PHACTR2: variants seen among roughly 807,000 people sequenced by gnomAD.
PHACTR2 encodes phosphatase and actin regulator 2.
A neutral mutation model predicts 76.0 loss-of-function variants in PHACTR2; 30 were observed. The observed-to-expected ratio is 0.39, with a 90% CI of 0.30 to 0.54. PHACTR2 has a LOEUF of 0.54. PHACTR2 is among the 20% of genes least tolerant of loss of function. The probability of loss-of-function intolerance (pLI) is 0.61; values close to 1 mark genes in which losing one functional copy is unlikely to be tolerated. For synonymous variants in PHACTR2, 292 were observed against 292.5 expected (o/e 1.00, Z 0.02); for missense variants, 696 against 781.1 (o/e 0.89, Z 1.30).
intron 11 of PHACTR2, among the ~76,000 whole-genome samples, chr6:143,796,394 TC>T (rs1438055485): frequency 6.1e-5 from 9 of 147,474 alleles, no homozygotes; most frequent in Non-Finnish European, 1.2e-4. Flanking sequence ...TTTCTTTCTT[TC>T]TTTCTTTCTT....
At chr6:143,587,049 C>G (rs1775638138) in intron 1 of PHACTR2, among the ~76,000 whole-genome samples, 1 of 152,108 alleles carries the variant, frequency 6.6e-6, no homozygotes, top group Non-Finnish European at 1.5e-5. Flanking sequence ...ATTAGATTAA[C>G]CCTTTTCCTG....
intron 1 of PHACTR2, among the ~76,000 whole-genome samples, chr6:143,576,674 C>T (rs943092018): frequency 3.9e-5 from 6 of 151,900 alleles, no homozygotes; most frequent in African/African-American, 7.3e-5. Flanking sequence ...GTCAGGAGTT[C>T]GAGACCAGCC....
rs1776668078 is a variant in PHACTR2 at position 143,646,898 on chromosome 6, T to A, written c.13+38576T>A. Reference sequence around the variant, plus strand: ...TCATCCTTAGTTATGTTTGTTGTTCTAACATAACAGTCTTCTGATCACGAT... The same window carrying A: ...TCATCCTTAGTTATGTTTGTTGTTCAAACATAACAGTCTTCTGATCACGAT... On this transcript the variant is annotated intron_variant, in intron 1 of 11. Transcript: ENST00000305766. The surrounding 1 kb of genome is among the most constrained non-coding windows in gnomAD (Gnocchi z 4.1). 6.6e-6 allele frequency among the ~76,000 whole-genome samples: 1 copy of A among 152,248 alleles called. No individual in the cohort carries two copies.
In PHACTR2 at chr6:143,683,551, A is replaced by C. The variant is rs1284828961; in HGVS notation, c.46+5342A>C. The stretch of plus-strand genomic sequence containing the variant: ...CCACTGTCCCCATTTTTAAGAGACA[A>C]GAGAACAAGTAAATAAAGTGTGCAG... On this transcript the variant is annotated intron_variant, in intron 1 of 12. Transcript: ENST00000440869. The surrounding 1 kb of genome is among the most constrained non-coding windows in gnomAD (Gnocchi z 4.1). Among the ~76,000 whole-genome samples the C allele has an allele frequency of 6.6e-6, 1 of 152,188 alleles. No individual in the cohort carries two copies. The highest frequency in any genetic ancestry group is 2.4e-5 in the African/African-American group (1 of 41,446).
intron 1 of PHACTR2, among the ~76,000 whole-genome samples, chr6:143,564,252 C>A (rs1775329816): frequency 8.2e-6 from 1 of 122,262 alleles, no homozygotes; most frequent in Non-Finnish European, 1.7e-5. Flanking sequence ...CCACTGCACT[C>A]TAACCTTGGC....
At chr6:143,726,605 T>G (rs932460980) in intron 2 of PHACTR2, among the ~76,000 whole-genome samples, 1 of 152,218 alleles carries the variant, frequency 6.6e-6, no homozygotes, top group Non-Finnish European at 1.5e-5. Context: ...ATTTCCTTTT[T>G]TCAAAGACTG....
chr6:143,582,774 A>G (rs1775590327), intron 1 of PHACTR2, among the ~76,000 whole-genome samples: 2 of 152,198 alleles, frequency 1.3e-5, no homozygotes, highest in African/African-American at 4.8e-5. Flanking sequence ...TCTCCAAATT[A>G]TTTAGCTAAA....
rs1175694322 is a variant in PHACTR2, at chr6:143,659,382, G to A, written c.13+51060G>A. On this transcript the variant is annotated intron_variant, in intron 1 of 11. Transcript: ENST00000305766. The surrounding 1 kb of genome is among the most constrained non-coding windows in gnomAD (Gnocchi z 5.0). ...AAAACCCTCTGCTGAGGGTGTCAGGGTCTCATGAAGCTGCAGTCAAGGTGT... is the reference window on the plus strand; with the variant it reads ...AAAACCCTCTGCTGAGGGTGTCAGGATCTCATGAAGCTGCAGTCAAGGTGT... 6.6e-6 allele frequency among the ~76,000 whole-genome samples: 1 copy of A among 152,182 alleles called. No individual in the cohort carries two copies. Among genetic ancestry groups the A allele is most frequent in the Non-Finnish European group, 1.5e-5 (1 of 68,038 alleles).
rs1407166261 is a variant in PHACTR2, at chr6:143,648,368, C to A, written c.13+40046C>A. Among the ~76,000 whole-genome samples, 1 of 152,064 alleles carries A rather than the reference C, an allele frequency of 6.6e-6. No individual in the cohort carries two copies. The highest frequency in any genetic ancestry group is 2.4e-5 in the African/African-American group (1 of 41,390). ...TATTTACTAAGCGTTCATCATAGTT[C>A]TAAATAGATTCCTCAAAAGAATTAA... On this transcript the variant is annotated intron_variant, in intron 1 of 11. Coordinates refer to the PHACTR2 transcript ENST00000305766. The surrounding 1 kb of genome is among the most constrained non-coding windows in gnomAD (Gnocchi z 6.7).
Position 143,776,852 on chromosome 6 carries a change from C to T in PHACTR2, c.1590-476C>T, listed in dbSNP as rs1485203581. Reference sequence around the variant, plus strand: ...TGGCAGCCCCATTCCTTCTGTCTTGCTGCTCTCCCATCCCCTAGATGGTCT... The same window carrying T: ...TGGCAGCCCCATTCCTTCTGTCTTGTTGCTCTCCCATCCCCTAGATGGTCT... On this transcript the variant is annotated intron_variant, in intron 8 of 12. Transcript: ENST00000440869. The surrounding 1 kb of genome is among the most constrained non-coding windows in gnomAD (Gnocchi z 5.3). 6.6e-6 allele frequency among the ~76,000 whole-genome samples: 1 copy of T among 152,220 alleles called. No homozygotes were observed. The highest frequency in any genetic ancestry group is 1.5e-5 in the Non-Finnish European group (1 of 68,032).
Position 143,728,356 on chromosome 6 carries a change from C to T in PHACTR2, c.214+16173C>T, listed in dbSNP as rs112690546. Among the ~76,000 whole-genome samples, 1,153 of 151,410 alleles carry T rather than the reference C, an allele frequency of 7.6e-3. 9 individuals are homozygous for T. The highest frequency in any genetic ancestry group is 0.024 in the African/African-American group (992 of 41,284). On this transcript the variant is annotated intron_variant, in intron 2 of 12. Coordinates refer to ENST00000440869, the MANE Select transcript of PHACTR2 (RefSeq NM_001100164.2). ...CCTCCCGAGTAGCTGGGACTACAGGCGCACACCACCACACCTGGCTAGTTT... is the reference window on the plus strand; with the variant it reads ...CCTCCCGAGTAGCTGGGACTACAGGTGCACACCACCACACCTGGCTAGTTT...
chr6:143,726,380 C>T (rs563374449), intron 2 of PHACTR2, among the ~76,000 whole-genome samples: 14 of 152,222 alleles, frequency 9.2e-5, no homozygotes, highest in South Asian at 6.2e-4. Flanking sequence ...AATAGATCTC[C>T]GGAACTTTTT....
At chr6:143,692,381 A>T (rs974048660) in intron 1 of PHACTR2, among the ~76,000 whole-genome samples, 3 of 152,246 alleles carry the variant, frequency 2.0e-5, no homozygotes, top group Non-Finnish European at 4.4e-5. Flanking sequence ...AGAACAAGTT[A>T]ACTGAGCTCA....
In PHACTR2 at chr6:143,741,916, A is replaced by G. The variant is rs137970853; in HGVS notation, c.215-7069A>G. Among the ~76,000 whole-genome samples, 1,047 of 152,220 alleles carry G rather than the reference A, an allele frequency of 6.9e-3. 14 individuals are homozygous for G. Among genetic ancestry groups the G allele is most frequent in the African/African-American group, 0.024 (994 of 41,528 alleles). ...CAGGAGTTCGAGACCAGCCTGGCCA[A>G]CGTGGTGAAACCCCATCTCTACCAA... On this transcript the variant is annotated intron_variant, in intron 2 of 12. Transcript: ENST00000440869.
chr6:143,808,118 CA>C (rs750716700), intron 12 of PHACTR2, among the ~76,000 whole-genome samples: 232 of 148,126 alleles, frequency 1.6e-3, no homozygotes, highest in Middle Eastern at 0.01. Flanking sequence ...CAACTGACCA[CA>C]ATCCAAAATT....
At chr6:143,694,362 C>T (rs999487775) in intron 1 of PHACTR2, among the ~76,000 whole-genome samples, 5 of 152,134 alleles carry the variant, frequency 3.3e-5, no homozygotes, top group African/African-American at 1.2e-4. Flanking sequence ...GATTGGAGCA[C>T]CAAATTGATC....
chr6:143,716,419 G>A lies in PHACTR2; in HGVS notation c.214+4236G>A, dbSNP rs138453345. 3.6e-3 allele frequency among the ~76,000 whole-genome samples: 552 copies of A among 152,200 alleles called. 3 individuals carry two copies. The highest frequency in any genetic ancestry group is 0.013 in the African/African-American group (524 of 41,512). On this transcript the variant is annotated intron_variant, in intron 2 of 12. Transcript: ENST00000440869. ...CAGCTCACTGCAGCCTCAATCTCCT[G>A]GCTTCAAGAAATCCTCCCGCCTCAG... is the stretch of plus-strand genomic sequence containing the variant.
At chr6:143,642,330 C>G (rs1232165253) in intron 1 of PHACTR2, among the ~76,000 whole-genome samples, 3 of 152,168 alleles carry the variant, frequency 2.0e-5, no homozygotes, top group Non-Finnish European at 4.4e-5. Context: ...ACTTCGCGAA[C>G]CTAAAAAATG....
chr6:143,778,856 C>A (rs1468503219), intron 9 of PHACTR2, among the ~76,000 whole-genome samples: 1 of 152,130 alleles, frequency 6.6e-6, no homozygotes, highest in Non-Finnish European at 1.5e-5. Flanking sequence ...AGTGCCAAAC[C>A]ACAATGGAGT....
Sources: gnomAD v4.1 joint callset for allele counts (sites outside exome capture counted in the v4.1 genomes callset) on GRCh38, gnomAD v4.1.1 for gene constraint, Gnocchi (gnomAD v3.1) non-coding constraint, MANE v1.5 for transcripts, NCBI Gene and HGNC (gene_info 2026-07-23, HGNC 2026-07-21) for gene names.